Variants in PGCKA1 observed in about 807,000 individuals in gnomAD.
PGCKA1 encodes PDCD10 and GCKIII kinases associated 1.
At chr4:37,487,900 T>C in the PGCKA1 span, among the ~76,000 whole-genome samples, 4 of 152,350 alleles carry the variant, frequency 2.6e-5, no homozygotes, top group Non-Finnish European at 5.9e-5. Flanking sequence ...TCATTCTTTT[T>C]TATTGCTTAG....
At chr4:37,578,607 T>C in the PGCKA1 span, among the ~76,000 whole-genome samples, 1 of 152,348 alleles carries the variant, frequency 6.6e-6, no homozygotes, top group South Asian at 2.1e-4. Context: ...CTGGTTGTTT[T>C]GTGGTCTTCC....
chr4:37,534,267 G>A, the PGCKA1 span, among the ~76,000 whole-genome samples: 1 of 152,156 alleles, frequency 6.6e-6, no homozygotes, highest in Non-Finnish European at 1.5e-5. Context: ...TGAAGCCCAG[G>A]AATGTGAGCC....
chr4:37,590,633 G>A, the PGCKA1 span: 11 of 1,614,028 alleles, frequency 6.8e-6, no homozygotes, highest in Non-Finnish European at 9.3e-6. Flanking sequence ...CAGCATTGGG[G>A]CCCAGCTGGA....
chr4:37,517,322 G>A, the PGCKA1 span, among the ~76,000 whole-genome samples: 3 of 148,746 alleles, frequency 2.0e-5, no homozygotes, highest in Admixed American at 2.0e-4. Context: ...TATATATAGA[G>A]AGAGAGAGCA....
chr4:37,470,734 T>C, the PGCKA1 span, among the ~76,000 whole-genome samples: 1 of 152,228 alleles, frequency 6.6e-6, no homozygotes, highest in Non-Finnish European at 1.5e-5. Flanking sequence ...AGTATTTTCA[T>C]TGTAAGCCAG....
the PGCKA1 span, among the ~76,000 whole-genome samples, chr4:37,526,804 G>A: frequency 1.3e-5 from 2 of 152,094 alleles, no homozygotes. Context: ...TGTGTTACAA[G>A]TTTATGTATT....
At chr4:37,592,202 C>T in the PGCKA1 span, among the ~76,000 whole-genome samples, 5,490 of 121,856 alleles carry the variant, frequency 0.045, 151 homozygotes, top group Middle Eastern at 0.071. Flanking sequence ...GTGCAAGACT[C>T]CATCTCAAAA....
At chr4:37,487,724 CTTCATA>C in the PGCKA1 span, among the ~76,000 whole-genome samples, 1 of 152,234 alleles carries the variant, frequency 6.6e-6, no homozygotes, top group African/African-American at 2.4e-5. Context: ...CTGTTCAAAA[CTTCATA>C]TTCATGAATC....
At chr4:37,552,447 CT>C in the PGCKA1 span, among the ~76,000 whole-genome samples, 1 of 152,170 alleles carries the variant, frequency 6.6e-6, no homozygotes, top group Admixed American at 6.5e-5. Context: ...GAGGTTTTGC[CT>C]GTGGCTCATC....
At chr4:37,500,487 T>C in the PGCKA1 span, among the ~76,000 whole-genome samples, 1 of 152,234 alleles carries the variant, frequency 6.6e-6, no homozygotes, top group Non-Finnish European at 1.5e-5. Context: ...GAGAGAGTAG[T>C]TGTTATGATT....
chr4:37,532,242 G>T, the PGCKA1 span, among the ~76,000 whole-genome samples: 1 of 152,124 alleles, frequency 6.6e-6, no homozygotes, highest in Non-Finnish European at 1.5e-5. Context: ...CTGCTACATG[G>T]GAAAAAGGAA....
the PGCKA1 span, among the ~76,000 whole-genome samples, chr4:37,493,155 A>G: frequency 6.6e-6 from 1 of 152,154 alleles, no homozygotes; most frequent in Non-Finnish European, 1.5e-5. Flanking sequence ...TCTGCTTTTA[A>G]TAAGATTCAG....
chr4:37,547,106 G>A, the PGCKA1 span, among the ~76,000 whole-genome samples: 1 of 152,166 alleles, frequency 6.6e-6, no homozygotes, highest in Non-Finnish European at 1.5e-5. Context: ...GATCACCCAT[G>A]GCGTGCCTTT....
At chr4:37,516,302 T>C in the PGCKA1 span, among the ~76,000 whole-genome samples, 1 of 152,248 alleles carries the variant, frequency 6.6e-6, no homozygotes, top group Non-Finnish European at 1.5e-5. Context: ...TTTAACAAGA[T>C]ACCCCAGGAG....
At chr4:37,466,038 C>CT in the PGCKA1 span, among the ~76,000 whole-genome samples, 130,376 of 152,048 alleles carry the variant, frequency 0.86, 55,964 homozygotes, top group Admixed American at 0.92. Flanking sequence ...TTGCTGTAAT[C>CT]ACATTGTTGA....
the PGCKA1 span, among the ~76,000 whole-genome samples, chr4:37,508,014 C>A: frequency 2.0e-5 from 3 of 152,146 alleles, no homozygotes; most frequent in Non-Finnish European, 4.4e-5. Context: ...TCTCTCCTAG[C>A]CTGTGAAGTT....
At chr4:37,580,115 G>A in the PGCKA1 span, among the ~76,000 whole-genome samples, 1 of 151,534 alleles carries the variant, frequency 6.6e-6, no homozygotes, top group Non-Finnish European at 1.5e-5. Context: ...CAGAATTTCT[G>A]CTTGATTATT....
At chr4:37,556,258 T>TG in the PGCKA1 span, among the ~76,000 whole-genome samples, 1 of 110,452 alleles carries the variant, frequency 9.1e-6, no homozygotes, top group East Asian at 2.3e-4. Context: ...TTCTTTTTTT[T>TG]GTTTTGTTTT....
chr4:37,459,845 ATTT>A, the PGCKA1 span, among the ~76,000 whole-genome samples: 3 of 101,086 alleles, frequency 3.0e-5, no homozygotes, highest in East Asian at 2.5e-4. Flanking sequence ...ATTTTATTTT[ATTT>A]TAAGTTCCAG....
Sources: allele counts gnomAD v4.1 joint callset (sites outside exome capture counted in the v4.1 genomes callset), GRCh38; gene constraint gnomAD v4.1.1; transcripts MANE v1.5; gene names NCBI Gene and HGNC (gene_info 2026-07-23, HGNC 2026-07-21).